Variants in TMEM108 observed in about 807,000 individuals in gnomAD.
The protein encoded by TMEM108 is cancer/testis antigen 124.
In TMEM108, 12 loss-of-function variants were observed where a neutral mutation model predicts 35.1. The observed-to-expected ratio is 0.34, with a 90% CI of 0.22 to 0.55. The LOEUF (loss-of-function observed/expected upper bound fraction) is 0.55, where lower values mean the gene tolerates loss of function less well. TMEM108 is among the 20% of genes least tolerant of loss of function. The pLI is 0.89. For missense variants in TMEM108, 680 were observed against 753.3 expected (o/e 0.90, Z 1.14); for synonymous variants, 287 against 308.6 (o/e 0.93, Z 0.73).
At chr3:133,096,321 G>A (rs551883961) in intron 2 of TMEM108, among the ~76,000 whole-genome samples, 2 of 152,250 alleles carry the variant, frequency 1.3e-5, no homozygotes, top group South Asian at 2.1e-4. Context: ...ACCACATGCA[G>A]CTAATTTTTA....
At chr3:133,276,495 A>T (rs1179699880) in intron 3 of TMEM108, among the ~76,000 whole-genome samples, 1 of 152,210 alleles carries the variant, frequency 6.6e-6, no homozygotes, top group Non-Finnish European at 1.5e-5. Flanking sequence ...TCATGGCAGA[A>T]GGCTAATCTA....
At chr3:133,189,969 C>G (rs1047448262) in intron 2 of TMEM108, among the ~76,000 whole-genome samples, 2 of 152,050 alleles carry the variant, frequency 1.3e-5, no homozygotes, top group Non-Finnish European at 2.9e-5. Context: ...TTGGGACCAT[C>G]AAATATGGCT....
intron 2 of TMEM108, among the ~76,000 whole-genome samples, chr3:133,224,728 T>A (rs751963264): frequency 6.6e-6 from 1 of 152,102 alleles, no homozygotes; most frequent in African/African-American, 2.4e-5. Context: ...AAACGTCTTT[T>A]TCTTTATAAA....
chr3:133,184,117 G>A (rs1945386897), intron 2 of TMEM108, among the ~76,000 whole-genome samples: 1 of 152,086 alleles, frequency 6.6e-6, no homozygotes, highest in African/African-American at 2.4e-5. Context: ...ATATGAAGAG[G>A]GGATGCTATC....
chr3:133,186,356 C>G (rs960170827), intron 2 of TMEM108, among the ~76,000 whole-genome samples: 15 of 152,158 alleles, frequency 9.9e-5, no homozygotes, highest in African/African-American at 2.4e-4. Flanking sequence ...TCCCAGAAAC[C>G]ATTTGAGCTG....
chr3:133,073,280 C>T (rs918466736), intron 2 of TMEM108, among the ~76,000 whole-genome samples: 14 of 151,678 alleles, frequency 9.2e-5, no homozygotes, highest in African/African-American at 2.7e-4. Flanking sequence ...CCCAGTTCCC[C>T]GTTTTCCCAA....
chr3:133,176,913 C>A (rs573286456), intron 2 of TMEM108, among the ~76,000 whole-genome samples: 1 of 151,780 alleles, frequency 6.6e-6, no homozygotes, highest in African/African-American at 2.4e-5. Flanking sequence ...ATTGATAGAC[C>A]GCTAGCAAGA....
chr3:133,170,953 A>G (rs1337419280), intron 2 of TMEM108, among the ~76,000 whole-genome samples: 2 of 152,208 alleles, frequency 1.3e-5, no homozygotes, highest in African/African-American at 4.8e-5. Context: ...CAGACAAGTG[A>G]TGAAGATTAG....
At position 133,109,455 on chromosome 3, in the gene TMEM108, C is replaced by T. The variant is rs980974360; in HGVS notation, c.-47+63435C>T. On this transcript the variant is annotated intron_variant, in intron 2 of 5. Transcript: ENST00000321871. Reference sequence around the variant, plus strand: ...CCAGCTTGGTCAACATAGTGAGACCCCGTTCTCCACAAAAAGAAAAAAAAA... The same window carrying T: ...CCAGCTTGGTCAACATAGTGAGACCTCGTTCTCCACAAAAAGAAAAAAAAA... Among the ~76,000 whole-genome samples the T allele has an allele frequency of 4.6e-5, 7 of 150,834 alleles. No individual in the cohort carries two copies. In the Admixed American group the frequency reaches 4.7e-4, roughly 10 times the overall value.
At chr3:133,260,263 C>G (rs1946605741) in intron 3 of TMEM108, among the ~76,000 whole-genome samples, 1 of 147,262 alleles carries the variant, frequency 6.8e-6, no homozygotes, top group Non-Finnish European at 1.5e-5. Context: ...AGCATATAGA[C>G]TAGTTAGGGA....
intron 3 of TMEM108, among the ~76,000 whole-genome samples, chr3:133,290,658 G>T (rs12633430): frequency 6.6e-6 from 1 of 151,702 alleles, no homozygotes; most frequent in African/African-American, 2.4e-5. Flanking sequence ...CAAAAAAACC[G>T]ATTCAGAAAC....
chr3:133,287,866 G>A (rs1382486744), intron 3 of TMEM108, among the ~76,000 whole-genome samples: 1 of 152,134 alleles, frequency 6.6e-6, no homozygotes, highest in Non-Finnish European at 1.5e-5. Context: ...AGGTTCAAGA[G>A]CAAGCAAATT....
intron 3 of TMEM108, among the ~76,000 whole-genome samples, chr3:133,255,086 C>T (rs951083752): frequency 6.6e-5 from 10 of 152,186 alleles, no homozygotes; most frequent in Non-Finnish European, 1.5e-4. Flanking sequence ...TTCTAACCTA[C>T]CTTCAGAGTC....
chr3:133,222,360 A>T (rs1358350934), intron 2 of TMEM108, among the ~76,000 whole-genome samples: 3 of 152,238 alleles, frequency 2.0e-5, no homozygotes, highest in Admixed American at 6.5e-5. Context: ...ATTATAATAT[A>T]TCATCTGTCT....
chr3:133,370,875 T>A, intron 3 of TMEM108, among the ~76,000 whole-genome samples: 1 of 45,158 alleles, frequency 2.2e-5, no homozygotes, highest in African/African-American at 8.0e-5. Context: ...GCCCATAGTG[T>A]GTGTGTGTGT....
chr3:133,280,719 A>G (rs1182406734), intron 3 of TMEM108, among the ~76,000 whole-genome samples: 3 of 152,206 alleles, frequency 2.0e-5, no homozygotes. Context: ...AACCTGGACC[A>G]GATTCAGCAA....
chr3:133,076,929 A>G lies in TMEM108; in HGVS notation c.-47+30909A>G, dbSNP rs115756667. On this transcript the variant is annotated intron_variant, in intron 2 of 5. Transcript: ENST00000321871. Reference sequence around the variant, plus strand: ...AAGAGAAATCAAGTGCAAGGCCAAGAAATCAGAATTCAGTTACCACATCAA... The same window carrying G: ...AAGAGAAATCAAGTGCAAGGCCAAGGAATCAGAATTCAGTTACCACATCAA... Among the ~76,000 whole-genome samples, 325 of 152,372 alleles carry G rather than the reference A, an allele frequency of 2.1e-3. 3 individuals are homozygous for G. Among genetic ancestry groups the G allele is most frequent in the African/African-American group, 7.6e-3 (316 of 41,584 alleles).
At chr3:133,386,372 G>C in intron 4 of TMEM108, 1 of 1,535,580 alleles carries the variant, frequency 6.5e-7, no homozygotes, top group Non-Finnish European at 8.7e-7. Flanking sequence ...TGTTTGAAAG[G>C]TTGAATCCTC....
At chr3:133,212,545 A>G (rs1002310323) in intron 2 of TMEM108, among the ~76,000 whole-genome samples, 3 of 152,080 alleles carry the variant, frequency 2.0e-5, no homozygotes, top group Non-Finnish European at 2.9e-5. Context: ...TAAAAGATAG[A>G]CTAGGACTAG....
Sources: allele counts gnomAD v4.1 joint callset (sites outside exome capture counted in the v4.1 genomes callset), GRCh38; gene constraint gnomAD v4.1.1; transcripts MANE v1.5; gene names NCBI Gene and HGNC (gene_info 2026-07-23, HGNC 2026-07-21).